Variants in TIMMDC1 observed in about 807,000 individuals in gnomAD.
The protein encoded by TIMMDC1 is translocase of inner mitochondrial membrane domain containing 1.
Under a neutral mutation model 32.6 loss-of-function variants are expected in TIMMDC1, and 25 were observed. The ratio of observed to expected loss-of-function variants is 0.77; its 90% CI spans 0.56 to 1.07. TIMMDC1 has a LOEUF of 1.07. Ranked by LOEUF, TIMMDC1 falls within the 50% of genes least tolerant of loss-of-function variation. The pLI is 0.00. For synonymous variants in TIMMDC1, 130 were observed against 127.6 expected, an observed-to-expected ratio of 1.02 and a Z score of -0.13; for missense variants, 329 against 349.2, an observed-to-expected ratio of 0.94 and a Z score of 0.46.
In TIMMDC1 at chr3:119,498,716, G is replaced by A; in HGVS notation, c.-18G>A. ...AAGTCCTGAGCGCTCAAGTTTGTCC[G>A]TAGGTCGAGAGAAGGCCATGGAGGT... On this transcript the variant is annotated 5_prime_UTR_variant, in exon 1 of 7. Transcript: ENST00000494664. 1.9e-6 allele frequency: 3 copies of A among 1,612,798 alleles called. No homozygotes were observed. Among genetic ancestry groups the A allele is most frequent in the Non-Finnish European group, 2.5e-6 (3 of 1,179,276 alleles).
intron 4 of TIMMDC1, among the ~76,000 whole-genome samples, chr3:119,509,727 T>A (rs897464019): frequency 5.4e-4 from 82 of 150,664 alleles, no homozygotes; most frequent in African/African-American, 2.0e-3. Flanking sequence ...GCTCTGTCGC[T>A]CAGGCTGGAG....
chr3:119,514,601 A>G (rs1444063967), intron 5 of TIMMDC1, among the ~76,000 whole-genome samples: 1 of 152,250 alleles, frequency 6.6e-6, no homozygotes, highest in African/African-American at 2.4e-5. Context: ...AATACAACAT[A>G]GGTGAAGTTG....
At chr3:119,515,397 T>G (rs1277670551) in intron 5 of TIMMDC1, among the ~76,000 whole-genome samples, 1 of 152,138 alleles carries the variant, frequency 6.6e-6, no homozygotes, top group Non-Finnish European at 1.5e-5. Flanking sequence ...CTTCTCATAC[T>G]TCAAATCTTT....
intron 5 of TIMMDC1, among the ~76,000 whole-genome samples, chr3:119,514,100 T>G (rs1210479454): frequency 6.6e-6 from 1 of 151,200 alleles, no homozygotes; most frequent in African/African-American, 2.4e-5. Context: ...AAAAAACAGT[T>G]AACAAGCATA....
rs927036764 is a variant in TIMMDC1, at chr3:119,502,430, A to G, written c.361-1102A>G. 5.9e-5 allele frequency among the ~76,000 whole-genome samples: 9 copies of G among 151,324 alleles called. No individual in the cohort carries two copies. In the South Asian group the frequency reaches 8.4e-4, roughly 14 times the overall value. On this transcript the variant is annotated intron_variant, in intron 2 of 6. Transcript: ENST00000494664. Reference sequence around the variant, plus strand: ...TTTTTTGTAGAGACAGGGTTTTGCCATGTTGCCCAGGCTGGTCTCAGAGTC... The same window carrying G: ...TTTTTTGTAGAGACAGGGTTTTGCCGTGTTGCCCAGGCTGGTCTCAGAGTC...
intron 4 of TIMMDC1, among the ~76,000 whole-genome samples, chr3:119,512,017 C>A (rs2081956011): frequency 6.6e-6 from 1 of 152,050 alleles, no homozygotes; most frequent in South Asian, 2.1e-4. Flanking sequence ...ATACTTATAC[C>A]TTTTGGCCCA....
chr3:119,505,034 C>T (rs562270973), intron 4 of TIMMDC1, among the ~76,000 whole-genome samples: 205 of 150,062 alleles, frequency 1.4e-3, no homozygotes, highest in African/African-American at 4.8e-3. Flanking sequence ...GCTGAGTTCA[C>T]GCCATTGCAC....
At chr3:119,517,374 G>C in intron 6 of TIMMDC1, 59 bp downstream of exon 6, 1 of 1,132,918 alleles carries the variant, frequency 8.8e-7, no homozygotes, top group Non-Finnish European at 1.3e-6. Flanking sequence ...CTTATATAGT[G>C]GTGCTCTTTT....
rs373087550 is a variant in TIMMDC1 at position 119,517,353 on chromosome 3, T to C, written c.707+38T>C. ...TTGAGCCCAGGGAATCTTGGCTCTC[T>C]TGCCCCAGGCCTTATATAGTGGTGC... On this transcript the variant is annotated intron_variant, in intron 6 of 6. Transcript: ENST00000494664. 8 of 1,369,010 alleles carry C rather than the reference T, an allele frequency of 5.8e-6. No homozygotes were observed. In the African/African-American group the frequency reaches 7.2e-5, roughly 12 times the overall value. The allele number at this position is 1,369,010 out of a possible 1,614,324, so 84.8% of individuals were successfully genotyped here.
At chr3:119,514,632 G>A (rs1437070541) in intron 5 of TIMMDC1, among the ~76,000 whole-genome samples, 1 of 152,186 alleles carries the variant, frequency 6.6e-6, no homozygotes, top group African/African-American at 2.4e-5. Flanking sequence ...TATCACATCA[G>A]GAGATATTCT....
chr3:119,501,458 T>A (rs1473698143), intron 2 of TIMMDC1, among the ~76,000 whole-genome samples: 1 of 152,206 alleles, frequency 6.6e-6, no homozygotes, highest in Non-Finnish European at 1.5e-5. Context: ...TAATTTGTTC[T>A]GAGCTACTTG....
chr3:119,521,773 T>C (rs2082028599), intron 6 of TIMMDC1, among the ~76,000 whole-genome samples: 1 of 151,592 alleles, frequency 6.6e-6, no homozygotes, highest in Non-Finnish European at 1.5e-5. Flanking sequence ...CTAACAAGTA[T>C]ATGAAAAAGT....
intron 6 of TIMMDC1, among the ~76,000 whole-genome samples, chr3:119,523,203 A>G (rs535105528): frequency 6.6e-6 from 1 of 152,320 alleles, no homozygotes; most frequent in South Asian, 2.1e-4. Context: ...AGTTCCTAAA[A>G]GGTCTGGTCA....
At chr3:119,505,750 A>G (rs1466783523) in intron 4 of TIMMDC1, among the ~76,000 whole-genome samples, 2 of 152,212 alleles carry the variant, frequency 1.3e-5, no homozygotes, top group East Asian at 1.9e-4. Context: ...GGCAGTCTCT[A>G]TCCTTCACAT....
intron 4 of TIMMDC1, among the ~76,000 whole-genome samples, chr3:119,504,540 A>G (rs2081903469): frequency 6.6e-6 from 1 of 152,176 alleles, no homozygotes; most frequent in African/African-American, 2.4e-5. Context: ...TAGATTTTTT[A>G]TGGTAAGAAC....
intron 4 of TIMMDC1, among the ~76,000 whole-genome samples, chr3:119,512,874 G>A (rs1047201752): frequency 6.6e-6 from 1 of 152,106 alleles, no homozygotes; most frequent in Non-Finnish European, 1.5e-5. Flanking sequence ...CTGAGTAGCT[G>A]GGATTACAGG....
chr3:119,498,600 G>T lies in TIMMDC1; in HGVS notation c.-134G>T. On this transcript the variant is annotated 5_prime_UTR_variant, in exon 1 of 7. Coordinates refer to ENST00000494664, the MANE Select transcript of TIMMDC1 (RefSeq NM_016589.4). ...GCCGGGGACTGAAGGTGTGGGTGTC[G>T]AGCCCTCTGGCAGAGGGTTAACCTG... The T allele has an allele frequency of 1.2e-6, 1 of 816,838 alleles. No homozygotes were observed. Among genetic ancestry groups the T allele is most frequent in the Admixed American group, 2.4e-5 (1 of 42,484 alleles). 50.6% of individuals were successfully genotyped at this position (816,838 alleles called of 1,614,324 possible). A position where few individuals can be genotyped will look rare whatever the true frequency, so the allele number is the denominator to read the frequency against.
At chr3:119,510,893 T>G (rs927762683) in intron 4 of TIMMDC1, among the ~76,000 whole-genome samples, 50 of 152,188 alleles carry the variant, frequency 3.3e-4, no homozygotes, top group Admixed American at 2.7e-3. Context: ...TGAAAACAGC[T>G]TTGAACACAA....
intron 4 of TIMMDC1, among the ~76,000 whole-genome samples, chr3:119,508,086 A>G (rs2081929762): frequency 6.6e-6 from 1 of 152,162 alleles, no homozygotes; most frequent in Non-Finnish European, 1.5e-5. Flanking sequence ...AGTGAGAATA[A>G]CGGAATGTTC....
Sources: allele counts gnomAD v4.1 joint callset (sites outside exome capture counted in the v4.1 genomes callset), GRCh38; gene constraint gnomAD v4.1.1; transcripts MANE v1.5; gene names NCBI Gene and HGNC (gene_info 2026-07-23, HGNC 2026-07-21).